PTPRD: variants seen among roughly 807,000 people sequenced by gnomAD.
The protein encoded by PTPRD is protein tyrosine phosphatase receptor type D, also known as receptor-type tyrosine-protein phosphatase delta.
PTPRD carries 34 observed loss-of-function variants against 214.5 expected under a neutral mutation model. That is an observed-to-expected ratio of 0.16 (90% CI 0.12 to 0.21). The LOEUF is 0.21. Among genes scored for constraint, PTPRD ranks in the 10% least tolerant of loss-of-function variants. The pLI is 1.00. For missense variants in PTPRD, 2,545 were observed against 2,398.7 expected (o/e 1.06, Z -1.27); for synonymous variants, 1,128 against 845.7 (o/e 1.33, Z -5.79).
chr9:9,371,671 C>T (rs1382523903), intron 9 of PTPRD, among the ~76,000 whole-genome samples: 2 of 152,092 alleles, frequency 1.3e-5, no homozygotes, highest in Non-Finnish European at 2.9e-5. Flanking sequence ...AATGTCTTTG[C>T]TCTTGCTTCT....
At chr9:9,075,245 G>C (rs1029129108) in intron 10 of PTPRD, among the ~76,000 whole-genome samples, 14 of 152,032 alleles carry the variant, frequency 9.2e-5, no homozygotes, top group Non-Finnish European at 1.2e-4. Context: ...AATTACAACA[G>C]GGTAAATGGG....
chr9:10,026,777 T>C (rs966172734), intron 4 of PTPRD, among the ~76,000 whole-genome samples: 2 of 152,088 alleles, frequency 1.3e-5, no homozygotes, highest in Non-Finnish European at 2.9e-5. Context: ...GGATTCCATG[T>C]ATGTTATACA....
chr9:8,628,427 T>C (rs2096123750), intron 14 of PTPRD, among the ~76,000 whole-genome samples: 1 of 151,854 alleles, frequency 6.6e-6, no homozygotes, highest in Admixed American at 6.6e-5. Context: ...GTGCCTTCTC[T>C]GTCTCATCCA....
chr9:10,404,316 A>T (rs2098325288), intron 2 of PTPRD, among the ~76,000 whole-genome samples: 1 of 151,818 alleles, frequency 6.6e-6, no homozygotes, highest in Non-Finnish European at 1.5e-5. Context: ...GAAATTGTTT[A>T]ATATACACAT....
rs1379794534 is a variant in PTPRD, at chr9:9,933,007, C to T, written c.-368+5500G>A. On this transcript the variant is annotated intron_variant, in intron 5 of 45. Coordinates refer to ENST00000381196, the MANE Select transcript of PTPRD (RefSeq NM_002839.4). ...TCATAAGTGAAGGAGAAATAAAATC[C>T]TTTACAGACAAGCAAATGTTGAGAG... Among the ~76,000 whole-genome samples the T allele has an allele frequency of 4.0e-5, 6 of 151,656 alleles. No individual in the cohort carries two copies. The East Asian group carries it at 5.9e-4, about 15-fold the overall frequency.
At chr9:9,402,499 C>T (rs1454916948) in intron 8 of PTPRD, among the ~76,000 whole-genome samples, 2 of 152,170 alleles carry the variant, frequency 1.3e-5, no homozygotes, top group Admixed American at 1.3e-4. Flanking sequence ...TGGAAGGGTA[C>T]ATTCTCAACA....
At chr9:9,868,537 A>G (rs1471974136) in intron 5 of PTPRD, among the ~76,000 whole-genome samples, 4 of 151,980 alleles carry the variant, frequency 2.6e-5, no homozygotes, top group African/African-American at 9.7e-5. Context: ...ATATAGCTTG[A>G]GAATAAAAGC....
intron 7 of PTPRD, among the ~76,000 whole-genome samples, chr9:9,689,196 C>G (rs913562564): frequency 6.6e-6 from 1 of 151,686 alleles, no homozygotes; most frequent in Non-Finnish European, 1.5e-5. Flanking sequence ...ACTTATTTAG[C>G]TTTTCTGCTT....
intron 8 of PTPRD, among the ~76,000 whole-genome samples, chr9:9,518,665 G>T (rs1325275960): frequency 6.6e-6 from 1 of 152,036 alleles, no homozygotes; most frequent in African/African-American, 2.4e-5. Flanking sequence ...GAAAGACATA[G>T]TTCTCCACTT....
intron 30 of PTPRD, among the ~76,000 whole-genome samples, chr9:8,472,898 C>T (rs1260660158): frequency 6.6e-6 from 1 of 151,954 alleles, no homozygotes; most frequent in African/African-American, 2.4e-5. Context: ...GGCTTAGACC[C>T]CAGAATCTGT....
intron 11 of PTPRD, among the ~76,000 whole-genome samples, chr9:8,930,731 A>T (rs2098946850): frequency 6.6e-6 from 1 of 152,016 alleles, no homozygotes; most frequent in South Asian, 2.1e-4. Context: ...GCATTTTTTC[A>T]TGTGTCTTTT....
chr9:10,182,252 T>C (rs564811486), intron 3 of PTPRD, among the ~76,000 whole-genome samples: 1 of 98,960 alleles, frequency 1.0e-5, no homozygotes, highest in South Asian at 3.0e-4. Flanking sequence ...ACAGTGAGAC[T>C]CTGCCTCAAA....
intron 5 of PTPRD, among the ~76,000 whole-genome samples, chr9:9,930,281 AGC>A (rs1200157497): frequency 6.6e-6 from 1 of 152,150 alleles, no homozygotes; most frequent in Non-Finnish European, 1.5e-5. Flanking sequence ...GGAATATCGA[AGC>A]CATGGACATA....
chr9:8,953,222 C>T lies in PTPRD; in HGVS notation c.-104+65475G>A, dbSNP rs1007013990. Among the ~76,000 whole-genome samples the T allele has an allele frequency of 7.9e-5, 12 of 151,732 alleles. No homozygotes were observed. In the East Asian group the frequency reaches 2.3e-3, roughly 29 times the overall value. ...TGTGGAGTTTCAGAAAGGTATATCC[C>T]AGGAGAAGGGTCGCTACAGCTGAGA... On this transcript the variant is annotated intron_variant, in intron 11 of 45. Transcript: ENST00000381196.
intron 5 of PTPRD, among the ~76,000 whole-genome samples, chr9:9,835,844 C>A (rs529845226): frequency 1.3e-5 from 2 of 152,148 alleles, no homozygotes; most frequent in African/African-American, 4.8e-5. Flanking sequence ...ATATTGTAAT[C>A]CCTTCTATAA....
intron 3 of PTPRD, among the ~76,000 whole-genome samples, chr9:10,108,421 T>G (rs762184385): frequency 7.2e-5 from 11 of 152,060 alleles, no homozygotes; most frequent in Non-Finnish European, 4.4e-5. Context: ...AACTAATTCC[T>G]TCTGTCTAAC....
intron 36 of PTPRD, among the ~76,000 whole-genome samples, chr9:8,402,235 T>G (rs2092485831): frequency 1.3e-5 from 2 of 152,324 alleles, no homozygotes; most frequent in African/African-American, 4.8e-5. Context: ...TTAGGGTGTA[T>G]TTGTGAACAC....
chr9:10,303,608 A>G (rs2095944584), intron 3 of PTPRD, among the ~76,000 whole-genome samples: 2 of 152,180 alleles, frequency 1.3e-5, no homozygotes, highest in Admixed American at 6.5e-5. Flanking sequence ...AGTAATACAA[A>G]CTACCATCAG....
chr9:9,647,746 G>A (rs1319524175), intron 7 of PTPRD, among the ~76,000 whole-genome samples: 1 of 152,036 alleles, frequency 6.6e-6, no homozygotes, highest in African/African-American at 2.4e-5. Flanking sequence ...TTTTGTCTTG[G>A]CTTTATGTAG....
Sources: allele counts gnomAD v4.1 joint callset (sites outside exome capture counted in the v4.1 genomes callset), GRCh38; gene constraint gnomAD v4.1.1; transcripts MANE v1.5; gene names NCBI Gene and HGNC (gene_info 2026-07-23, HGNC 2026-07-21).